Variants in CA8 observed in about 807,000 individuals in gnomAD.
CA8 encodes carbonic anhydrase-related protein.
CA8 carries 22 observed loss-of-function variants against 41.4 expected under a neutral mutation model. The ratio of observed to expected loss-of-function variants is 0.53; its 90% CI spans 0.38 to 0.76. The LOEUF (loss-of-function observed/expected upper bound fraction) is 0.76. Among genes scored for constraint, CA8 ranks in the 30% least tolerant of loss-of-function variants. The pLI is 0.00. For synonymous variants in CA8, 121 were observed against 130.6 expected, an observed-to-expected ratio of 0.93 and a Z score of 0.50; for missense variants, 270 against 352.8, an observed-to-expected ratio of 0.77 and a Z score of 1.88.
intron 3 of CA8, among the ~76,000 whole-genome samples, chr8:60,258,776 C>G (rs187957526): frequency 1.3e-5 from 2 of 152,132 alleles, no homozygotes; most frequent in East Asian, 3.9e-4. Flanking sequence ...CCCTCACATG[C>G]GCAGTTCACA....
chr8:60,255,406 C>T (rs555240944), intron 3 of CA8, among the ~76,000 whole-genome samples: 2 of 152,280 alleles, frequency 1.3e-5, no homozygotes, highest in African/African-American at 2.4e-5. Flanking sequence ...TTGTTCAGAA[C>T]TCAGGCTAGG....
At chr8:60,252,663 T>C (rs1351411036) in intron 3 of CA8, among the ~76,000 whole-genome samples, 1 of 152,170 alleles carries the variant, frequency 6.6e-6, no homozygotes. Context: ...CTACTACAGG[T>C]TGAGCATCCC....
Position 60,189,902 on chromosome 8 carries a change from C to T in CA8, c.*119G>A, listed in dbSNP as rs941961979. On this transcript the variant is annotated 3_prime_UTR_variant, in exon 9 of 9. Transcript: ENST00000317995. ...AGCTGGATTAGATGAAGACAAACAACGCAGGCTTTGAGGATAAACTGAAGG... is the reference window on the plus strand; with the variant it reads ...AGCTGGATTAGATGAAGACAAACAATGCAGGCTTTGAGGATAAACTGAAGG... The T allele has an allele frequency of 6.6e-6, 1 of 151,742 alleles. No individual in the cohort carries two copies. The highest frequency in any genetic ancestry group is 1.5e-5 in the Non-Finnish European group (1 of 67,896). The allele number at this position is 151,742 out of a possible 1,614,324, so 9.4% of individuals were successfully genotyped here.
chr8:60,276,836 C>T (rs1030167752), intron 2 of CA8, among the ~76,000 whole-genome samples: 2 of 152,098 alleles, frequency 1.3e-5, no homozygotes, highest in African/African-American at 2.4e-5. Context: ...AAACTGGCCT[C>T]GTCCAGGTGC....
intron 2 of CA8, among the ~76,000 whole-genome samples, chr8:60,275,467 T>A (rs183996463): frequency 0.012 from 1,837 of 150,990 alleles, 21 homozygotes; most frequent in African/African-American, 0.038. Flanking sequence ...GTATTTTTTT[T>A]AAAAAAAAAG....
intron 3 of CA8, among the ~76,000 whole-genome samples, chr8:60,248,549 G>C (rs2130543588): frequency 6.6e-6 from 1 of 152,228 alleles, no homozygotes; most frequent in South Asian, 2.1e-4. Flanking sequence ...TTTGTCAAAG[G>C]TCAGGTGGCT....
chr8:60,263,151 G>A (rs995505960), intron 3 of CA8, among the ~76,000 whole-genome samples: 4 of 151,768 alleles, frequency 2.6e-5, no homozygotes, highest in African/African-American at 7.3e-5. Context: ...GACCAGCCTG[G>A]TCAACATGGT....
rs1585851404 is a variant in CA8, at chr8:60,207,300, G to C, written c.*35+1450C>G. On this transcript the variant is annotated intron_variant, in intron 8 of 8. Coordinates refer to ENST00000317995, the MANE Select transcript of CA8 (RefSeq NM_004056.6). The stretch of plus-strand genomic sequence containing the variant: ...CAAGATTTTATGCACACTTAATTAA[G>C]TAACCCCATTAGATCCATCAGAACA... 2.0e-5 allele frequency among the ~76,000 whole-genome samples: 3 copies of C among 152,308 alleles called. No individual in the cohort carries two copies. The East Asian group carries it at 5.8e-4, about 29-fold the overall frequency.
intron 8 of CA8, among the ~76,000 whole-genome samples, chr8:60,202,210 ATT>A (rs377462858): frequency 4.3e-5 from 6 of 139,606 alleles, no homozygotes; most frequent in Admixed American, 7.2e-5. Flanking sequence ...TTCCCAGCTA[ATT>A]TTTTTTTTTT....
intron 3 of CA8, among the ~76,000 whole-genome samples, chr8:60,242,384 G>A (rs1808059580): frequency 1.3e-5 from 2 of 152,180 alleles, no homozygotes; most frequent in African/African-American, 4.8e-5. Flanking sequence ...ACCTGCCCAG[G>A]ATTATACAGC....
chr8:60,262,025 T>C (rs955760854), intron 3 of CA8, among the ~76,000 whole-genome samples: 2 of 152,236 alleles, frequency 1.3e-5, no homozygotes, highest in Admixed American at 6.5e-5. Context: ...TTTTTGTAAA[T>C]TGCACTGATC....
At chr8:60,248,882 C>T (rs746600630) in intron 3 of CA8, among the ~76,000 whole-genome samples, 1 of 152,108 alleles carries the variant, frequency 6.6e-6, no homozygotes, top group Non-Finnish European at 1.5e-5. Flanking sequence ...ATTGATTCTT[C>T]CTATTCATGA....
intron 3 of CA8, among the ~76,000 whole-genome samples, chr8:60,263,638 G>C (rs569155786): frequency 2.8e-4 from 42 of 152,296 alleles, no homozygotes; most frequent in African/African-American, 7.9e-4. Flanking sequence ...GGTGGCCCTT[G>C]GTGGCAGTTC....
At chr8:60,264,688 A>G (rs1190641539) in intron 3 of CA8, 1 of 152,260 alleles carries the variant, frequency 6.6e-6, no homozygotes, top group East Asian at 1.9e-4. Context: ...ACACCACTGC[A>G]CACCTCCTCC....
chr8:60,243,283 C>T (rs1218781471), intron 3 of CA8, among the ~76,000 whole-genome samples: 1 of 152,146 alleles, frequency 6.6e-6, no homozygotes, highest in Non-Finnish European at 1.5e-5. Context: ...CTTCCTCCCT[C>T]CTCCTCTTTT....
intron 2 of CA8, among the ~76,000 whole-genome samples, chr8:60,275,860 T>C (rs74970229): frequency 6.6e-6 from 1 of 151,780 alleles, no homozygotes; most frequent in African/African-American, 2.4e-5. Flanking sequence ...AAGAGACACA[T>C]AGAGGGGGTT....
chr8:60,201,517 GGCAGGCA>G (rs1806427790), intron 8 of CA8, among the ~76,000 whole-genome samples: 1 of 152,108 alleles, frequency 6.6e-6, no homozygotes, highest in Non-Finnish European at 1.5e-5. Flanking sequence ...GTGGCAAGAA[GGCAGGCA>G]GTATCAGAAC....
At chr8:60,219,605 C>A (rs1347231491) in intron 7 of CA8, among the ~76,000 whole-genome samples, 1 of 152,124 alleles carries the variant, frequency 6.6e-6, no homozygotes, top group Non-Finnish European at 1.5e-5. Context: ...AAGGCAGAAA[C>A]CTCCTCTAAC....
chr8:60,213,897 G>A (rs565778185), intron 7 of CA8, among the ~76,000 whole-genome samples: 3 of 152,016 alleles, frequency 2.0e-5, no homozygotes, highest in South Asian at 2.1e-4. Context: ...GGGTTATAGC[G>A]CTGATCTCAA....
Sources: gnomAD v4.1 joint callset for allele counts (sites outside exome capture counted in the v4.1 genomes callset) on GRCh38, gnomAD v4.1.1 for gene constraint, MANE v1.5 for transcripts, NCBI Gene and HGNC (gene_info 2026-07-23, HGNC 2026-07-21) for gene names.